Variants in HDAC9 observed in about 807,000 individuals in gnomAD.
The protein encoded by HDAC9 is MEF-2 interacting transcription repressor (MITR) protein.
Under a neutral mutation model 139.4 loss-of-function variants are expected in HDAC9, and 41 were observed. The observed-to-expected ratio is 0.29, with a 90% CI of 0.23 to 0.38. The LOEUF is 0.38. Among genes scored for constraint, HDAC9 ranks in the 10% least tolerant of loss-of-function variants. HDAC9 has a pLI of 1.00. For synonymous variants in HDAC9, 517 were observed against 476.2 expected (o/e 1.09, Z -1.12); for missense variants, 1,147 against 1,297.0 (o/e 0.88, Z 1.78).
chr7:18,985,744 T>A (rs1231208009), intron 25 of HDAC9, among the ~76,000 whole-genome samples: 10 of 143,846 alleles, frequency 7.0e-5, no homozygotes, highest in Admixed American at 1.3e-4. Context: ...GTTTCCTGAC[T>A]TTTTAGTGAT....
chr7:18,418,796 G>A (rs1419824309), intron 1 of HDAC9, among the ~76,000 whole-genome samples: 1 of 151,594 alleles, frequency 6.6e-6, no homozygotes, highest in South Asian at 2.1e-4. Flanking sequence ...TTCATTAACT[G>A]GCAAAAGTAC....
At position 18,280,770 on chromosome 7, in the gene HDAC9, ATAAAT is replaced by A. The variant is rs796096119; in HGVS notation, c.25+118422_25+118426del. 3.1e-3 allele frequency among the ~76,000 whole-genome samples: 438 copies of A among 142,500 alleles called. 8 individuals are homozygous for A. Among genetic ancestry groups the A allele is most frequent in the African/African-American group, 0.01 (406 of 38,810 alleles). 93.5% of individuals were successfully genotyped at this position (142,500 alleles called of 152,430 possible). A position where few individuals can be genotyped will look rare whatever the true frequency, so the allele number is the denominator to read the frequency against. Reference sequence around the variant, plus strand: ...AGAATGAGACCCTGTCTCAAAAAAAATAAATAAATAAATAAAAAAGAGGGGATTTG... The same window carrying A: ...AGAATGAGACCCTGTCTCAAAAAAAAAAATAAATAAAAAAGAGGGGATTTG... On this transcript the variant is annotated intron_variant, in intron 2 of 12. Coordinates refer to the HDAC9 transcript ENST00000417496.
chr7:18,292,799 C>T (rs1797894761), intron 1 of HDAC9, among the ~76,000 whole-genome samples: 1 of 152,088 alleles, frequency 6.6e-6, no homozygotes, highest in Admixed American at 6.6e-5. Context: ...TTGGCTGAAT[C>T]TTCTGGGAGG....
intron 1 of HDAC9, among the ~76,000 whole-genome samples, chr7:18,372,585 G>A (rs1330244950): frequency 6.6e-6 from 1 of 152,182 alleles, no homozygotes; most frequent in African/African-American, 2.4e-5. Context: ...TTTAAAATAT[G>A]TTGATAGAAG....
chr7:18,264,246 C>T (rs1465309692), intron 2 of HDAC9, among the ~76,000 whole-genome samples: 1 of 152,072 alleles, frequency 6.6e-6, no homozygotes, highest in African/African-American at 2.4e-5. Flanking sequence ...AAGGACTATT[C>T]CAGGCTAAGC....
intron 2 of HDAC9, among the ~76,000 whole-genome samples, chr7:18,285,234 A>AT (rs998856134): frequency 1.3e-5 from 2 of 151,798 alleles, no homozygotes; most frequent in African/African-American, 4.8e-5. Context: ...CATAATGTAT[A>AT]TTTTTCTATC....
At chr7:18,338,954 C>T (rs1214217903) in intron 1 of HDAC9, among the ~76,000 whole-genome samples, 1 of 151,438 alleles carries the variant, frequency 6.6e-6, no homozygotes, top group Non-Finnish European at 1.5e-5. Flanking sequence ...AAATATCGTG[C>T]TATTCATGCT....
chr7:18,424,005 T>G (rs933323032), intron 1 of HDAC9, among the ~76,000 whole-genome samples: 2 of 152,208 alleles, frequency 1.3e-5, no homozygotes, highest in Non-Finnish European at 1.5e-5. Flanking sequence ...AGAAACCTTC[T>G]TAATTATGAA....
chr7:18,130,194 A>G, intron 1 of HDAC9, among the ~76,000 whole-genome samples: 1 of 152,138 alleles, frequency 6.6e-6, no homozygotes, highest in African/African-American at 2.4e-5. Context: ...TCCAACGAGC[A>G]TCTCCTTTGA....
chr7:18,578,942 G>C (rs1272380714), intron 2 of HDAC9, among the ~76,000 whole-genome samples: 1 of 152,178 alleles, frequency 6.6e-6, no homozygotes, highest in East Asian at 1.9e-4. Context: ...TTCCTAATCA[G>C]TATTGAGTAT....
intron 25 of HDAC9, among the ~76,000 whole-genome samples, chr7:18,984,706 A>G (rs1049674979): frequency 5.9e-5 from 9 of 152,184 alleles, no homozygotes; most frequent in South Asian, 4.1e-4. Context: ...AATAGTCTGG[A>G]TGATAATGCC....
At chr7:18,835,823 T>C (rs1413195801) in intron 20 of HDAC9, 77 bp from the exon 21 acceptor site, 9 of 1,063,182 alleles carry the variant, frequency 8.5e-6, no homozygotes, top group Admixed American at 4.4e-5. Context: ...AGCTCCCATG[T>C]GCTTGTTTTC....
At chr7:18,391,110 C>T (rs900501233) in intron 1 of HDAC9, among the ~76,000 whole-genome samples, 5 of 152,198 alleles carry the variant, frequency 3.3e-5, no homozygotes, top group East Asian at 1.9e-4. Flanking sequence ...TTCAGCCAGG[C>T]GCGGTGGCTC....
Position 18,618,758 on chromosome 7 carries a change from ATATG to A in HDAC9, c.665-10589_665-10586del, listed in dbSNP as rs1562601099. Among the ~76,000 whole-genome samples, 3 of 133,210 alleles carry A rather than the reference ATATG, an allele frequency of 2.3e-5. No individual in the cohort carries two copies. In the South Asian group the frequency reaches 7.5e-4, roughly 33 times the overall value. 87.4% of individuals were successfully genotyped at this position (133,210 alleles called of 152,430 possible). On this transcript the variant is annotated intron_variant, in intron 6 of 25. Coordinates refer to ENST00000686413, the MANE Select transcript of HDAC9 (RefSeq NM_178425.4). ...TATATATATATATATATATATATAT[ATATG>A]TAGGAATTCGTTTGTTACAGAAAGA...
At chr7:18,282,961 C>A (rs1228597709) in intron 2 of HDAC9, among the ~76,000 whole-genome samples, 2 of 151,678 alleles carry the variant, frequency 1.3e-5, no homozygotes, top group African/African-American at 4.8e-5. Flanking sequence ...TTTTCTGGTT[C>A]TCAGTGCCTT....
chr7:18,442,558 A>G (rs1043934003), intron 1 of HDAC9, among the ~76,000 whole-genome samples: 2 of 152,164 alleles, frequency 1.3e-5, no homozygotes, highest in Non-Finnish European at 2.9e-5. Context: ...AATCAGTCGG[A>G]TATCTTAGCC....
At chr7:18,788,967 T>C (rs1328599970) in intron 16 of HDAC9, among the ~76,000 whole-genome samples, 2 of 152,060 alleles carry the variant, frequency 1.3e-5, no homozygotes, top group Non-Finnish European at 2.9e-5. Flanking sequence ...GTATTCTATA[T>C]GTACCCTAAT....
At chr7:18,967,278 T>A (rs575298977) in intron 24 of HDAC9, among the ~76,000 whole-genome samples, 2 of 152,332 alleles carry the variant, frequency 1.3e-5, no homozygotes, top group South Asian at 4.1e-4. Flanking sequence ...ATGACTACGA[T>A]TAAAAATTTT....
chr7:18,203,598 G>A (rs928657826), intron 2 of HDAC9, among the ~76,000 whole-genome samples: 2 of 152,126 alleles, frequency 1.3e-5, no homozygotes, highest in African/African-American at 4.8e-5. Context: ...AATAATGAAG[G>A]AACAGTTTTG....
Sources: gnomAD v4.1 joint callset for allele counts (sites outside exome capture counted in the v4.1 genomes callset) on GRCh38, gnomAD v4.1.1 for gene constraint, MANE v1.5 for transcripts, NCBI Gene and HGNC (gene_info 2026-07-23, HGNC 2026-07-21) for gene names.